Variants in SOX5 observed in about 807,000 individuals in gnomAD.
SOX5 encodes SRY-box transcription factor 5.
In SOX5, 9 loss-of-function variants were observed where a neutral mutation model predicts 92.0. The observed-to-expected ratio is 0.10, with a 90% CI of 0.06 to 0.17. The LOEUF (loss-of-function observed/expected upper bound fraction) is 0.17. Among genes scored for constraint, SOX5 ranks in the 10% least tolerant of loss-of-function variants. The pLI, the probability that SOX5 is intolerant of heterozygous loss-of-function variation, is 1.00. For synonymous variants in SOX5, 344 were observed against 336.3 expected, an observed-to-expected ratio of 1.02 and a Z score of -0.25; for missense variants, 642 against 944.5, an observed-to-expected ratio of 0.68 and a Z score of 4.20.
intron 3 of SOX5, among the ~76,000 whole-genome samples, chr12:23,785,685 A>C (rs952505020): frequency 1.8e-4 from 27 of 152,150 alleles, no homozygotes; most frequent in African/African-American, 6.5e-4. Context: ...TGCATTTAAA[A>C]AAATGTTCGT....
Position 24,299,766 on chromosome 12 carries a change from C to T in SOX5, c.-173-22454G>A, listed in dbSNP as rs969195651. Among the ~76,000 whole-genome samples, 6 of 152,214 alleles carry T rather than the reference C, an allele frequency of 3.9e-5. No individual in the cohort carries two copies. In the East Asian group the frequency reaches 7.7e-4, roughly 20 times the overall value. On this transcript the variant is annotated intron_variant, in intron 2 of 4. Coordinates refer to the SOX5 transcript ENST00000446891. ...ATGTCATTCTTTCCTACTACGCCAA[C>T]GAAGTGATCCGAAGCTCTGCATCAA...
intron 1 of SOX5, among the ~76,000 whole-genome samples, chr12:24,412,319 G>A (rs1476171128): frequency 6.6e-6 from 1 of 150,954 alleles, no homozygotes; most frequent in Non-Finnish European, 1.5e-5. Context: ...CCTTCCTTCT[G>A]CTTGCTTTGG....
At chr12:24,509,117 T>C (rs1398890397) in intron 1 of SOX5, among the ~76,000 whole-genome samples, 1 of 152,230 alleles carries the variant, frequency 6.6e-6, no homozygotes, top group African/African-American at 2.4e-5. Context: ...ACAATGCCAC[T>C]ATTTGTGTGA....
intron 4 of SOX5, among the ~76,000 whole-genome samples, chr12:24,046,131 A>C (rs931506596): frequency 2.0e-5 from 3 of 152,194 alleles, no homozygotes; most frequent in African/African-American, 7.2e-5. Context: ...ACTTCACTCT[A>C]AATAACGTGA....
At chr12:24,445,574 C>T (rs990985986) in intron 1 of SOX5, among the ~76,000 whole-genome samples, 3 of 152,194 alleles carry the variant, frequency 2.0e-5, no homozygotes, top group Non-Finnish European at 4.4e-5. Flanking sequence ...GGTTAGGATA[C>T]TGACATAGCA....
intron 3 of SOX5, among the ~76,000 whole-genome samples, chr12:24,238,479 G>A (rs1051514121): frequency 1.3e-5 from 2 of 152,188 alleles, no homozygotes; most frequent in Non-Finnish European, 2.9e-5. Flanking sequence ...AACCTCCAGA[G>A]TAGGTGGGAC....
chr12:24,136,589 G>A (rs542867243), intron 4 of SOX5, among the ~76,000 whole-genome samples: 1 of 152,318 alleles, frequency 6.6e-6, no homozygotes, highest in East Asian at 1.9e-4. Flanking sequence ...GGGATGTGCT[G>A]CTATTGTTTA....
At chr12:24,412,817 C>A (rs1402964868) in intron 1 of SOX5, among the ~76,000 whole-genome samples, 1 of 143,030 alleles carries the variant, frequency 7.0e-6, no homozygotes, top group African/African-American at 2.6e-5. Context: ...TGCAGTGGCG[C>A]AATCTCGGCT....
chr12:24,489,671 G>A (rs1387963105), intron 1 of SOX5, among the ~76,000 whole-genome samples: 1 of 152,170 alleles, frequency 6.6e-6, no homozygotes, highest in Non-Finnish European at 1.5e-5. Context: ...TTGTTGAGCA[G>A]TGGAAAAGTT....
rs1380669393 is a variant in SOX5, at chr12:23,542,012, A to C, written c.1771+1199T>G. ...GTCATCCGAGCTACTCAGGAGGCTG[A>C]GGCAGAAGAATTGCTTGAACCCGGG... On this transcript the variant is annotated intron_variant, in intron 13 of 14. Coordinates refer to ENST00000451604, the MANE Select transcript of SOX5 (RefSeq NM_006940.6). 3.3e-5 allele frequency among the ~76,000 whole-genome samples: 5 copies of C among 152,296 alleles called. No homozygotes were observed. In the East Asian group the frequency reaches 9.7e-4, roughly 29 times the overall value.
intron 6 of SOX5, among the ~76,000 whole-genome samples, chr12:23,705,429 G>A (rs1338020321): frequency 6.6e-6 from 1 of 151,920 alleles, no homozygotes; most frequent in Admixed American, 6.6e-5. Context: ...TTTGATCAGA[G>A]GCTTTGTGCA....
At chr12:23,693,645 A>T (rs1295658355) in intron 6 of SOX5, among the ~76,000 whole-genome samples, 1 of 152,052 alleles carries the variant, frequency 6.6e-6, no homozygotes, top group Non-Finnish European at 1.5e-5. Flanking sequence ...AGTGCTTTAG[A>T]GGTTTTGTTT....
chr12:24,152,337 T>TTA (rs138372076), intron 4 of SOX5, among the ~76,000 whole-genome samples: 2,742 of 152,272 alleles, frequency 0.018, 77 homozygotes, highest in African/African-American at 0.063. Flanking sequence ...CATGAACATT[T>TTA]TATGAGTTTT....
At position 24,204,682 on chromosome 12, in the gene SOX5, T is replaced by C. The variant is rs373857328; in HGVS notation, c.-2+8661A>G. ...TGTCTTCAGGATTAATTCCGAAAAG[T>C]GGCATTGCTGGGTCAAAAGGTTCAG... On this transcript the variant is annotated intron_variant, in intron 4 of 4. Transcript: ENST00000446891. 5.9e-5 allele frequency among the ~76,000 whole-genome samples: 9 copies of C among 152,262 alleles called. No homozygotes were observed. In the East Asian group the frequency reaches 1.5e-3, roughly 26 times the overall value.
At chr12:23,678,068 T>C (rs960439253) in intron 6 of SOX5, among the ~76,000 whole-genome samples, 1 of 152,090 alleles carries the variant, frequency 6.6e-6, no homozygotes, top group Non-Finnish European at 1.5e-5. Context: ...CTAGAACACT[T>C]GTCACTGAAA....
At chr12:23,937,738 A>C (rs1028343039) in intron 1 of SOX5, among the ~76,000 whole-genome samples, 1 of 150,950 alleles carries the variant, frequency 6.6e-6, no homozygotes, top group Non-Finnish European at 1.5e-5. Flanking sequence ...AAGAAGACTG[A>C]CATAGAAGAG....
Position 24,315,384 on chromosome 12 carries a change from TAA to T in SOX5, c.-173-38074_-173-38073del, listed in dbSNP as rs1409465340. 3.3e-5 allele frequency among the ~76,000 whole-genome samples: 5 copies of T among 152,108 alleles called. No homozygotes were observed. The East Asian group carries it at 9.6e-4, about 29-fold the overall frequency. ...TGTACTTTAGTAAAAAGAAAAAAGT[TAA>T]AGAGATTAAGAGATTAAAAAACAAA... On this transcript the variant is annotated intron_variant, in intron 2 of 4. Transcript: ENST00000446891.
At chr12:24,200,607 A>G (rs994709500) in intron 4 of SOX5, among the ~76,000 whole-genome samples, 4 of 152,184 alleles carry the variant, frequency 2.6e-5, no homozygotes, top group Admixed American at 2.6e-4. Context: ...AAAGCTATAT[A>G]GAAACTCAAA....
intron 6 of SOX5, among the ~76,000 whole-genome samples, chr12:23,668,986 A>C (rs1281051550): frequency 6.6e-6 from 1 of 152,178 alleles, no homozygotes; most frequent in Non-Finnish European, 1.5e-5. Flanking sequence ...CAATGGCTTC[A>C]AGAAATTAAT....
Sources: gnomAD v4.1 joint callset for allele counts (sites outside exome capture counted in the v4.1 genomes callset) on GRCh38, gnomAD v4.1.1 for gene constraint, MANE v1.5 for transcripts, NCBI Gene and HGNC (gene_info 2026-07-23, HGNC 2026-07-21) for gene names.